The following SAMD8 variants were observed in gnomAD, a reference collection of about 807,000 sequenced individuals.
The protein encoded by SAMD8 is sphingomyelin synthase-related protein 1.
In SAMD8, 20 loss-of-function variants were observed where a neutral mutation model predicts 42.0. The observed-to-expected ratio is 0.48, with a 90% CI of 0.34 to 0.69. SAMD8 has a LOEUF of 0.69. Among genes scored for constraint, SAMD8 ranks in the 30% least tolerant of loss-of-function variants. The pLI is 0.01. For missense variants in SAMD8, 328 were observed against 511.6 expected, an observed-to-expected ratio of 0.64 and a Z score of 3.46; for synonymous variants, 162 against 173.0, an observed-to-expected ratio of 0.94 and a Z score of 0.50.
intron 2 of SAMD8, among the ~76,000 whole-genome samples, 172 bp downstream of exon 2, chr10:75,151,278 T>A (rs1310219102): frequency 6.6e-6 from 1 of 152,244 alleles, no homozygotes; most frequent in African/African-American, 2.4e-5. Context: ...TAGAGTAAAT[T>A]AGGCCTTAAG....
At chr10:75,174,517 C>G (rs1294738095) in intron 4 of SAMD8, among the ~76,000 whole-genome samples, 2 of 151,028 alleles carry the variant, frequency 1.3e-5, no homozygotes. Flanking sequence ...TCACCACAAC[C>G]TACCCCTCCC....
chr10:75,100,730 T>G (rs1848108251), intron 1 of SAMD8, among the ~76,000 whole-genome samples: 1 of 152,244 alleles, frequency 6.6e-6, no homozygotes, highest in African/African-American at 2.4e-5. Flanking sequence ...GGGCTTTTCC[T>G]GGCTGCTCCT....
intron 3 of SAMD8, among the ~76,000 whole-genome samples, chr10:75,167,411 A>G (rs988140117): frequency 6.6e-6 from 1 of 151,920 alleles, no homozygotes; most frequent in Non-Finnish European, 1.5e-5. Flanking sequence ...ATGCCTGACT[A>G]ATTTTTTATA....
At chr10:75,163,189 T>C (rs564326912) in intron 2 of SAMD8, among the ~76,000 whole-genome samples, 42 of 152,310 alleles carry the variant, frequency 2.8e-4, no homozygotes, top group African/African-American at 9.4e-4. Flanking sequence ...CCTCCCAAAG[T>C]GCTGGGATTA....
intron 1 of SAMD8, among the ~76,000 whole-genome samples, chr10:75,100,549 A>C (rs1009357787): frequency 6.6e-6 from 1 of 151,826 alleles, no homozygotes; most frequent in Admixed American, 6.6e-5. Flanking sequence ...ACTACATTCC[A>C]TGTCTCCTTG....
chr10:75,112,403 C>G (rs955253789), intron 1 of SAMD8, among the ~76,000 whole-genome samples: 12 of 152,164 alleles, frequency 7.9e-5, no homozygotes, highest in African/African-American at 2.7e-4. Context: ...TTTACAGGTG[C>G]CTTTTAAAAC....
At chr10:75,110,961 A>T (rs1483644883), upstream of SAMD8, among the ~76,000 whole-genome samples, 1 of 151,782 alleles carries the variant, frequency 6.6e-6, no homozygotes, top group East Asian at 1.9e-4. Flanking sequence ...GATTACAGGT[A>T]TGCACCACCA....
upstream of SAMD8, among the ~76,000 whole-genome samples, chr10:75,110,124 C>A (rs1848729430): frequency 6.6e-6 from 1 of 152,082 alleles, no homozygotes; most frequent in African/African-American, 2.4e-5. Context: ...GCCAATGGGG[C>A]AAGGTTTGAA....
At chr10:75,100,480 G>A (rs1250656799) in intron 1 of SAMD8, among the ~76,000 whole-genome samples, 1 of 152,184 alleles carries the variant, frequency 6.6e-6, no homozygotes, top group Non-Finnish European at 1.5e-5. Context: ...GTCGGTGGTT[G>A]TGGCAGCTCC....
chr10:75,109,218 T>C, upstream of SAMD8: 1 of 1,466,536 alleles, frequency 6.8e-7, no homozygotes, highest in Non-Finnish European at 9.0e-7. Flanking sequence ...CCAGTGTCAT[T>C]TCTCCTTCCC....
chr10:75,156,520 G>A (rs2132179829), intron 2 of SAMD8, among the ~76,000 whole-genome samples: 1 of 152,124 alleles, frequency 6.6e-6, no homozygotes, highest in East Asian at 1.9e-4. Flanking sequence ...ACAATGGCAA[G>A]ATCTGACATG....
At chr10:75,139,529 A>G (rs1432694359) in intron 1 of SAMD8, among the ~76,000 whole-genome samples, 1 of 152,232 alleles carries the variant, frequency 6.6e-6, no homozygotes, top group African/African-American at 2.4e-5. Context: ...ATTTAATAGC[A>G]TTAGACAGGA....
chr10:75,164,428 C>G (rs1564693690), intron 2 of SAMD8: 1 of 770,082 alleles, frequency 1.3e-6, no homozygotes, highest in Non-Finnish European at 1.6e-6. Flanking sequence ...TCAGAGAACC[C>G]TAACTGGGAA....
intron 3 of SAMD8, among the ~76,000 whole-genome samples, chr10:75,168,151 C>T (rs1458165153): frequency 6.6e-6 from 1 of 152,154 alleles, no homozygotes; most frequent in African/African-American, 2.4e-5. Context: ...CACACACCAC[C>T]ACGCCTGGAC....
chr10:75,158,108 GAGATCACACCA>G (rs1840459769), intron 2 of SAMD8, among the ~76,000 whole-genome samples: 1 of 150,876 alleles, frequency 6.6e-6, no homozygotes, highest in Non-Finnish European at 1.5e-5. Context: ...GTGGTGAGTT[GAGATCACACCA>G]TTGCACTCCA....
At chr10:75,160,852 G>C (rs544038484) in intron 2 of SAMD8, among the ~76,000 whole-genome samples, 201 of 152,250 alleles carry the variant, frequency 1.3e-3, no homozygotes, top group Admixed American at 3.7e-3. Context: ...ATAGGGGAAA[G>C]TTGGTTAAAA....
chr10:75,169,266 C>CACG (rs1437859737), intron 4 of SAMD8, among the ~76,000 whole-genome samples: 3 of 149,850 alleles, frequency 2.0e-5, no homozygotes. Context: ...GTGGGTGGAT[C>CACG]ACGAGGTCAG....
upstream of SAMD8, among the ~76,000 whole-genome samples, chr10:75,110,834 G>A (rs934658915): frequency 6.6e-6 from 1 of 150,384 alleles, no homozygotes; most frequent in Non-Finnish European, 1.5e-5. Flanking sequence ...TTTTTTTTTT[G>A]AGATGGAGTT....
At chr10:75,173,577 C>T (rs934050269) in intron 4 of SAMD8, among the ~76,000 whole-genome samples, 5 of 152,170 alleles carry the variant, frequency 3.3e-5, no homozygotes, top group African/African-American at 1.2e-4. Flanking sequence ...CCAGTCTCTT[C>T]TGTTTATTTA....
Sources: allele counts gnomAD v4.1 joint callset (sites outside exome capture counted in the v4.1 genomes callset), GRCh38; gene constraint gnomAD v4.1.1; transcripts MANE v1.5; gene names NCBI Gene and HGNC (gene_info 2026-07-23, HGNC 2026-07-21).